Variants in FRMPD1 observed in about 807,000 individuals in gnomAD.
FRMPD1 encodes FERM and PDZ domain containing 1, also known as FERM and PDZ domain-containing protein 1.
In FRMPD1, 76 loss-of-function variants were observed where a neutral mutation model predicts 117.8. The observed-to-expected ratio is 0.65, with a 90% confidence interval of 0.54 to 0.78. The LOEUF (loss-of-function observed/expected upper bound fraction) is 0.78. Ranked by LOEUF, FRMPD1 falls within the 30% of genes least tolerant of loss-of-function variation. The pLI is 0.00. For missense variants in FRMPD1, 1,786 were observed against 1,964.5 expected, an observed-to-expected ratio of 0.91 and a Z score of 1.72; for synonymous variants, 783 against 770.4, an observed-to-expected ratio of 1.02 and a Z score of -0.27.
At chr9:37,655,224 C>T (rs1303775710) in intron 1 of FRMPD1, among the ~76,000 whole-genome samples, 1 of 152,176 alleles carries the variant, frequency 6.6e-6, no homozygotes, top group Non-Finnish European at 1.5e-5. Context: ...ACCAAGTGAC[C>T]TTGCCCTGTA....
intron 14 of FRMPD1, among the ~76,000 whole-genome samples, chr9:37,739,037 C>G (rs554643595): frequency 6.6e-6 from 1 of 152,130 alleles, no homozygotes; most frequent in Non-Finnish European, 1.5e-5. Flanking sequence ...AGATAGGAGC[C>G]CCACCACGAG....
At chr9:37,671,299 G>T (rs1352494441) in intron 1 of FRMPD1, among the ~76,000 whole-genome samples, 1 of 152,188 alleles carries the variant, frequency 6.6e-6, no homozygotes, top group Non-Finnish European at 1.5e-5. Context: ...AATGGGAATA[G>T]TTGTAGGAAA....
intron 1 of FRMPD1, among the ~76,000 whole-genome samples, chr9:37,684,420 G>A (rs976852155): frequency 6.6e-6 from 1 of 152,218 alleles, no homozygotes; most frequent in African/African-American, 2.4e-5. Context: ...TGTTAGCATA[G>A]TTGTGTTACT....
At chr9:37,616,933 C>A in the FRMPD1 span, among the ~76,000 whole-genome samples, 2 of 152,174 alleles carry the variant, frequency 1.3e-5, no homozygotes, top group African/African-American at 2.4e-5. Context: ...GGTTGAACGA[C>A]CCCTCTTAGA....
chr9:37,698,843 A>G (rs949456488), intron 2 of FRMPD1, among the ~76,000 whole-genome samples: 10 of 152,152 alleles, frequency 6.6e-5, no homozygotes, highest in African/African-American at 2.4e-4. Flanking sequence ...GGTTCAAGTG[A>G]TTCTCCTGCC....
In FRMPD1 at chr9:37,728,377, C is replaced by T. The variant is rs1458649285; in HGVS notation, c.613-1351C>T. On this transcript the variant is annotated intron_variant, in intron 7 of 15. Transcript: ENST00000377765. ...AACAGGGATGATTATGTATGCTGGC[C>T]AGAGAAAGCCTCTCTAAGAGGTGAC... 2.0e-5 allele frequency among the ~76,000 whole-genome samples: 3 copies of T among 152,178 alleles called. No individual in the cohort carries two copies. The East Asian group carries it at 5.8e-4, about 29-fold the overall frequency.
chr9:37,741,449 G>GGACA (rs1824413908), intron 15 of FRMPD1, among the ~76,000 whole-genome samples: 1 of 96,372 alleles, frequency 1.0e-5, no homozygotes, highest in Non-Finnish European at 2.1e-5. Flanking sequence ...GATCCTGGCA[G>GGACA]GACACACACA....
the FRMPD1 span, among the ~76,000 whole-genome samples, chr9:37,632,937 A>G: frequency 4.7e-5 from 7 of 147,486 alleles, no homozygotes; most frequent in African/African-American, 1.2e-4. Context: ...TTTTTCTTTT[A>G]TATATATAAA....
At chr9:37,628,412 G>T in the FRMPD1 span, among the ~76,000 whole-genome samples, 1 of 152,148 alleles carries the variant, frequency 6.6e-6, no homozygotes, top group East Asian at 1.9e-4. Context: ...ACTGCAAATT[G>T]CTCTGAAGAA....
At chr9:37,613,918 A>C in the FRMPD1 span, among the ~76,000 whole-genome samples, 11 of 152,284 alleles carry the variant, frequency 7.2e-5, no homozygotes, top group South Asian at 2.3e-3. Context: ...TCTTATCCAC[A>C]CTTGCCTCCT....
chr9:37,731,049 C>T lies in FRMPD1; in HGVS notation c.804C>T (p.Asp268=), dbSNP rs777675422. The T allele has an allele frequency of 2.0e-5, 33 of 1,612,754 alleles. No homozygotes were observed. In the South Asian group the frequency reaches 2.6e-4, roughly 13 times the overall value. The part of the protein sequence containing the change: ...CLFRVCFVPK[D]PLDLLKEDPV... Reference sequence around the variant, plus strand: ...TCAGGGTCTGTTTTGTTCCCAAGGACCCCCTGGACCTCCTGAAAGAAGACC... The same window carrying T: ...TCAGGGTCTGTTTTGTTCCCAAGGATCCCCTGGACCTCCTGAAAGAAGACC... Residue 268 remains aspartate, a synonymous_variant, in exon 9 of 16, where the codon GAC becomes GAT. Coordinates refer to ENST00000377765, the MANE Select transcript of FRMPD1 (RefSeq NM_014907.3).
intron 6 of FRMPD1, among the ~76,000 whole-genome samples, chr9:37,720,032 G>A (rs971166299): frequency 1.3e-4 from 20 of 152,140 alleles, no homozygotes; most frequent in African/African-American, 4.6e-4. Flanking sequence ...GCAAAGGCCG[G>A]GGGAGTCACA....
At chr9:37,672,195 A>C (rs1349534481) in intron 1 of FRMPD1, among the ~76,000 whole-genome samples, 1 of 152,222 alleles carries the variant, frequency 6.6e-6, no homozygotes, top group Non-Finnish European at 1.5e-5. Flanking sequence ...GGTAAATTGT[A>C]TGCTATGTGA....
chr9:37,692,653 G>A lies in FRMPD1; in HGVS notation c.12G>A (p.Leu4=). The A allele has an allele frequency of 6.2e-7, 1 of 1,609,964 alleles. No homozygotes were observed. The highest frequency in any genetic ancestry group is 8.5e-7 in the Non-Finnish European group (1 of 1,176,182). ...TTCCTTTTAGGTAAATGGAAGAGCT[G>A]GAGACCAGTTTATTCCAGACACGGA... MEE[L]ETSLFQTRKA... is the part of the protein sequence containing the mutation. Residue 4 remains leucine, a synonymous_variant, in exon 2 of 16, where the codon CTG becomes CTA. Coordinates refer to ENST00000377765, the MANE Select transcript of FRMPD1 (RefSeq NM_014907.3).
At chr9:37,741,512 A>T (rs1824422352) in intron 15 of FRMPD1, among the ~76,000 whole-genome samples, 2 of 151,544 alleles carry the variant, frequency 1.3e-5, no homozygotes, top group Admixed American at 1.3e-4. Context: ...AAGGAAACAT[A>T]TTGGAAAAGA....
chr9:37,616,078 A>G, the FRMPD1 span, among the ~76,000 whole-genome samples: 2 of 147,790 alleles, frequency 1.4e-5, no homozygotes, highest in Admixed American at 6.7e-5. Context: ...CGGCCTCCCA[A>G]AGTGCTGGGA....
chr9:37,698,383 A>G (rs77345819), intron 2 of FRMPD1, among the ~76,000 whole-genome samples: 24 of 152,006 alleles, frequency 1.6e-4, no homozygotes, highest in Non-Finnish European at 2.9e-4. Context: ...TTCTTGATTC[A>G]TTCTTTACTG....
rs115071589 is a variant in FRMPD1, at chr9:37,726,229, T to C, written c.612+1909T>C. 5.9e-3 allele frequency among the ~76,000 whole-genome samples: 898 copies of C among 152,326 alleles called. 13 individuals are homozygous for C. Among genetic ancestry groups the C allele is most frequent in the African/African-American group, 0.02 (844 of 41,572 alleles). On this transcript the variant is annotated intron_variant, in intron 7 of 15. Coordinates refer to ENST00000377765, the MANE Select transcript of FRMPD1 (RefSeq NM_014907.3). ...TATGAGTGAAAAAAGGAAAAATTAC[T>C]GTCCACTCATCAGTGACTTCTCTTC...
intron 1 of FRMPD1, among the ~76,000 whole-genome samples, chr9:37,671,603 AC>A (rs1821353952): frequency 6.6e-6 from 1 of 152,208 alleles, no homozygotes; most frequent in African/African-American, 2.4e-5. Context: ...AATACTGGGT[AC>A]TGTGAAAGCA....
Sources: allele counts gnomAD v4.1 joint callset (sites outside exome capture counted in the v4.1 genomes callset), GRCh38; gene constraint gnomAD v4.1.1; transcripts MANE v1.5; gene names NCBI Gene and HGNC (gene_info 2026-07-23, HGNC 2026-07-21).